The following TRABD2B variants were observed in gnomAD, a reference collection of about 807,000 sequenced individuals.
TRABD2B encodes the protein TraB domain containing 2B, also known as metalloprotease TIKI2.
A neutral mutation model predicts 40.1 loss-of-function variants in TRABD2B; 14 were observed. That is an observed-to-expected ratio of 0.35 (90% CI 0.23 to 0.55). The LOEUF (loss-of-function observed/expected upper bound fraction) is 0.55, where lower values mean the gene tolerates loss of function less well. Among genes scored for constraint, TRABD2B ranks in the 20% least tolerant of loss-of-function variants. The pLI, the probability that TRABD2B is intolerant of heterozygous loss-of-function variation, is 0.90. For synonymous variants in TRABD2B, 263 were observed against 277.0 expected, an observed-to-expected ratio of 0.95 and a Z score of 0.50; for missense variants, 541 against 648.6, an observed-to-expected ratio of 0.83 and a Z score of 1.80.
chr1:47,850,135 A>T (rs879466087), intron 2 of TRABD2B, among the ~76,000 whole-genome samples: 1 of 152,214 alleles, frequency 6.6e-6, no homozygotes, highest in African/African-American at 2.4e-5. Flanking sequence ...CCTGCATAGG[A>T]GGTGTGGCTT....
chr1:47,783,985 A>T (rs1412282951), intron 4 of TRABD2B, among the ~76,000 whole-genome samples: 2 of 152,160 alleles, frequency 1.3e-5, no homozygotes, highest in African/African-American at 4.8e-5. Context: ...TCTCGGTCTC[A>T]TGGGTCCTCC....
intron 2 of TRABD2B, among the ~76,000 whole-genome samples, chr1:47,817,903 C>T (rs563014795): frequency 4.6e-4 from 70 of 152,332 alleles, no homozygotes; most frequent in Admixed American, 2.5e-3. Context: ...CCTCCACCCC[C>T]GTTTGAAGGG....
chr1:47,827,177 C>T (rs1434281955), intron 2 of TRABD2B, among the ~76,000 whole-genome samples: 6 of 152,224 alleles, frequency 3.9e-5, no homozygotes, highest in African/African-American at 1.4e-4. Flanking sequence ...CCAGCAAGCT[C>T]CCCAAACTCA....
At chr1:47,827,888 G>A (rs1464578602) in intron 2 of TRABD2B, among the ~76,000 whole-genome samples, 1 of 152,144 alleles carries the variant, frequency 6.6e-6, no homozygotes, top group East Asian at 1.9e-4. Context: ...AATAAGGTTT[G>A]AGTCAAGCTG....
chr1:47,951,425 T>C (rs575229483), intron 2 of TRABD2B, among the ~76,000 whole-genome samples: 2 of 152,326 alleles, frequency 1.3e-5, no homozygotes, highest in Non-Finnish European at 2.9e-5. Context: ...CTCAGAGCAC[T>C]GGAGCCAGGA....
intron 2 of TRABD2B, among the ~76,000 whole-genome samples, chr1:47,863,407 TCAA>T (rs1307057372): frequency 4.4e-5 from 6 of 136,810 alleles, no homozygotes; most frequent in African/African-American, 1.6e-4. Context: ...CTCTTAAAAC[TCAA>T]CAATAAGAAA....
At chr1:47,926,001 A>C (rs1423976848) in intron 2 of TRABD2B, among the ~76,000 whole-genome samples, 1 of 152,154 alleles carries the variant, frequency 6.6e-6, no homozygotes, top group African/African-American at 2.4e-5. Flanking sequence ...CATTCATATA[A>C]GTGTGATGCA....
chr1:47,782,972 G>A (rs1384450472), intron 4 of TRABD2B, among the ~76,000 whole-genome samples: 2 of 152,128 alleles, frequency 1.3e-5, no homozygotes, highest in African/African-American at 2.4e-5. Context: ...AGGAAGATAC[G>A]TTCCATTTCA....
chr1:47,790,187 G>C (rs1271145198), intron 4 of TRABD2B, among the ~76,000 whole-genome samples: 1 of 152,218 alleles, frequency 6.6e-6, no homozygotes, highest in African/African-American at 2.4e-5. Flanking sequence ...AATTGTACCA[G>C]AGGAAACCCA....
intron 2 of TRABD2B, among the ~76,000 whole-genome samples, chr1:47,831,736 T>C (rs1341650042): frequency 1.3e-5 from 2 of 152,124 alleles, no homozygotes; most frequent in East Asian, 3.9e-4. Flanking sequence ...TCTGGGTGAG[T>C]TGGCATGCTC....
At chr1:47,908,854 G>T (rs1395889631) in intron 2 of TRABD2B, among the ~76,000 whole-genome samples, 1 of 152,222 alleles carries the variant, frequency 6.6e-6, no homozygotes, top group African/African-American at 2.4e-5. Context: ...AGGCCCTTCT[G>T]ACTGCTCCTT....
chr1:47,811,558 T>A (rs1447764770), intron 2 of TRABD2B, among the ~76,000 whole-genome samples: 1 of 152,188 alleles, frequency 6.6e-6, no homozygotes, highest in Non-Finnish European at 1.5e-5. Context: ...TGCTCATAAA[T>A]CCGGAGCCAC....
At chr1:47,934,212 G>A (rs1347980848) in intron 2 of TRABD2B, among the ~76,000 whole-genome samples, 1 of 152,208 alleles carries the variant, frequency 6.6e-6, no homozygotes, top group African/African-American at 2.4e-5. Context: ...CCCTCAGCTT[G>A]GAGACTGCAC....
At chr1:47,959,164 C>T (rs188113504) in intron 2 of TRABD2B, among the ~76,000 whole-genome samples, 7 of 152,106 alleles carry the variant, frequency 4.6e-5, no homozygotes, top group Non-Finnish European at 7.4e-5. Flanking sequence ...TTGAAACCAA[C>T]GAGAACAAAG....
chr1:47,825,005 C>T (rs1327978972), intron 2 of TRABD2B, among the ~76,000 whole-genome samples: 1 of 152,182 alleles, frequency 6.6e-6, no homozygotes, highest in African/African-American at 2.4e-5. Flanking sequence ...GAGGATGAAC[C>T]GCCAGCCCAA....
At chr1:47,809,313 CTA>C (rs1644931754) in intron 2 of TRABD2B, among the ~76,000 whole-genome samples, 1 of 152,328 alleles carries the variant, frequency 6.6e-6, no homozygotes, top group South Asian at 2.1e-4. Flanking sequence ...TTCATCTTGA[CTA>C]TGTTCCCAGA....
intron 2 of TRABD2B, among the ~76,000 whole-genome samples, chr1:47,875,012 T>C (rs763991228): frequency 1.3e-5 from 2 of 152,114 alleles, no homozygotes; most frequent in Non-Finnish European, 2.9e-5. Flanking sequence ...TTGCTCATAG[T>C]GACTTCAAGA....
At chr1:47,781,642 C>T (rs892481542) in intron 4 of TRABD2B, among the ~76,000 whole-genome samples, 2 of 152,238 alleles carry the variant, frequency 1.3e-5, no homozygotes, top group Non-Finnish European at 2.9e-5. Flanking sequence ...CCTTCCAATT[C>T]CCATTCTCTC....
At chr1:47,794,160 G>A (rs1214816589) in intron 4 of TRABD2B, among the ~76,000 whole-genome samples, 1 of 152,246 alleles carries the variant, frequency 6.6e-6, no homozygotes, top group Non-Finnish European at 1.5e-5. Flanking sequence ...CCAAGGTGAT[G>A]TGGATGGGCT....
Sources: allele counts gnomAD v4.1 joint callset (sites outside exome capture counted in the v4.1 genomes callset), GRCh38; gene constraint gnomAD v4.1.1; transcripts MANE v1.5; gene names NCBI Gene and HGNC (gene_info 2026-07-23, HGNC 2026-07-21).